Variants in STK4 observed in about 807,000 individuals in gnomAD.
The protein encoded by STK4 is serine/threonine-protein kinase 4.
A neutral mutation model predicts 64.9 loss-of-function variants in STK4; 30 were observed. The ratio of observed to expected loss-of-function variants is 0.46; its 90% CI spans 0.35 to 0.63. The LOEUF is 0.63. Ranked by LOEUF, STK4 falls within the 20% of genes least tolerant of loss-of-function variation. STK4 has a pLI of 0.01. For missense variants in STK4, 466 were observed against 598.5 expected (o/e 0.78, Z 2.31); for synonymous variants, 177 against 199.0 (o/e 0.89, Z 0.93).
intron 1 of STK4, 110 bp downstream of exon 1, chr20:44,966,713 C>CGATGGG (rs1166147807): frequency 5.9e-6 from 7 of 1,181,826 alleles, no homozygotes; most frequent in Admixed American, 4.2e-5. Context: ...GCGACCCAGC[C>CGATGGG]GATGGGGCAC....
intron 9 of STK4, among the ~76,000 whole-genome samples, chr20:45,007,546 C>CAAAA (rs1390989727): frequency 0.012 from 1,794 of 149,366 alleles, 48 homozygotes; most frequent in African/African-American, 0.039. Flanking sequence ...GACTCCATCT[C>CAAAA]AAAAAACAAA....
At chr20:45,049,018 T>C (rs1243368853) in intron 10 of STK4, among the ~76,000 whole-genome samples, 1 of 152,184 alleles carries the variant, frequency 6.6e-6, no homozygotes, top group Non-Finnish European at 1.5e-5. Flanking sequence ...AACAGTTTTT[T>C]CCTGATGGTA....
At position 44,978,526 on chromosome 20, in the gene STK4, T is replaced by C. The variant is rs1297320177; in HGVS notation, c.200T>C (p.Leu67Pro). ...AAGCAAGTTCCTGTGGAATCAGACCTCCAGGAGATAATCAAAGAAATCTCT... is the reference window on the plus strand; with the variant it reads ...AAGCAAGTTCCTGTGGAATCAGACCCCCAGGAGATAATCAAAGAAATCTCT... ...AIKQVPVESDLQEIIKEISIM... is the reference protein window; with the variant it reads ...AIKQVPVESDPQEIIKEISIM... The change falls in exon 3 of 11, where the codon CTC (leucine) becomes CCC (proline). Residue 67 changes from leucine to proline, a missense_variant. Physicochemically the swap from Leu to Pro is moderately conservative, Grantham distance 98 (BLOSUM62 -3). Around this residue, in one of 2 missense-constraint regions of STK4, gnomAD observed 190 missense variants for 289.7 expected, o/e 0.66. Transcript: ENST00000372806. 6.2e-7 allele frequency: 1 copy of C among 1,613,958 alleles called. No homozygotes were observed. The highest frequency in any genetic ancestry group is 8.5e-7 in the Non-Finnish European group (1 of 1,179,990).
intron 3 of STK4, among the ~76,000 whole-genome samples, chr20:44,979,531 A>G (rs552627513): frequency 1.3e-4 from 20 of 152,270 alleles, no homozygotes; most frequent in South Asian, 6.2e-4. Flanking sequence ...TAGATTAGAG[A>G]CAAACACAAA....
intron 10 of STK4, among the ~76,000 whole-genome samples, chr20:45,048,407 A>T (rs958091864): frequency 4.6e-5 from 7 of 152,202 alleles, no homozygotes; most frequent in Admixed American, 1.3e-4. Context: ...AAAGGGAAAG[A>T]TACTGAGGTG....
At chr20:45,072,063 T>G (rs1980116970) in intron 10 of STK4, among the ~76,000 whole-genome samples, 2 of 152,180 alleles carry the variant, frequency 1.3e-5, no homozygotes, top group South Asian at 4.1e-4. Context: ...ATGCCCAGCG[T>G]GAATACCTTC....
At chr20:45,034,468 C>T (rs1311838568) in intron 10 of STK4, among the ~76,000 whole-genome samples, 1 of 152,060 alleles carries the variant, frequency 6.6e-6, no homozygotes, top group African/African-American at 2.4e-5. Flanking sequence ...TGTTTAAACA[C>T]TATGCCATAT....
At chr20:45,036,204 T>C (rs1307936252) in intron 10 of STK4, among the ~76,000 whole-genome samples, 2 of 152,226 alleles carry the variant, frequency 1.3e-5, no homozygotes, top group East Asian at 1.9e-4. Flanking sequence ...TATGTCCTTA[T>C]GAGGTTCATT....
At chr20:45,048,586 A>C (rs1396657078) in intron 10 of STK4, among the ~76,000 whole-genome samples, 1 of 151,838 alleles carries the variant, frequency 6.6e-6, no homozygotes, top group East Asian at 1.9e-4. Flanking sequence ...GCTCACTGCA[A>C]CCTCTGCCTC....
intron 2 of STK4, among the ~76,000 whole-genome samples, chr20:44,977,794 C>G (rs1476158985): frequency 6.6e-6 from 1 of 151,914 alleles, no homozygotes; most frequent in South Asian, 2.1e-4. Context: ...CTGTGTTTAC[C>G]TGATACTAAT....
chr20:44,972,820 A>G (rs1463525304), intron 2 of STK4: 1 of 151,650 alleles, frequency 6.6e-6, no homozygotes, highest in Non-Finnish European at 1.5e-5. Flanking sequence ...TAATGACACC[A>G]TTTCTTAAGT....
At chr20:44,988,884 A>G (rs986872345) in intron 5 of STK4, among the ~76,000 whole-genome samples, 7 of 152,138 alleles carry the variant, frequency 4.6e-5, no homozygotes, top group African/African-American at 1.4e-4. Context: ...AGAATCATAC[A>G]TAATGTGCCC....
At chr20:45,033,265 T>C (rs2068474390) in intron 10 of STK4, among the ~76,000 whole-genome samples, 1 of 152,216 alleles carries the variant, frequency 6.6e-6, no homozygotes, top group Non-Finnish European at 1.5e-5. Flanking sequence ...GTTCAGAAGC[T>C]CTTTAGTTTA....
At chr20:44,996,844 G>C (rs909563616) in intron 6 of STK4, among the ~76,000 whole-genome samples, 3 of 152,004 alleles carry the variant, frequency 2.0e-5, no homozygotes, top group Non-Finnish European at 4.4e-5. Context: ...TTATCTTTAG[G>C]ATGTAGATAC....
chr20:44,981,912 T>C lies in STK4; in HGVS notation c.329T>C (p.Val110Ala), dbSNP rs1233390216. Residue 110 changes from valine (V) to alanine (A), a missense_variant, in exon 4 of 11, where the codon GTA becomes GCA. Val to Ala is a moderately conservative substitution (Grantham distance 64). Transcript: ENST00000372806. ...IVMEYCGAGS[V>A]SDIIRLRNKT... Reference sequence around the variant, plus strand: ...ATGGAGTACTGTGGGGCTGGTTCTGTATCTGATATCATTCGATTACGAAAT... The same window carrying C: ...ATGGAGTACTGTGGGGCTGGTTCTGCATCTGATATCATTCGATTACGAAAT... 6.2e-7 allele frequency: 1 copy of C among 1,613,924 alleles called. No individual in the cohort carries two copies. Among genetic ancestry groups the C allele is most frequent in the South Asian group, 1.1e-5 (1 of 91,072 alleles).
At position 44,981,859 on chromosome 20, in the gene STK4, T is replaced by C. The variant is rs2145652961; in HGVS notation, c.276T>C (p.Tyr92=). ...ATGTAGTCAAATATTATGGCAGTTA[T>C]TTTAAGAACACAGACTTATGGATCG... The part of the protein sequence containing the change: ...SPHVVKYYGS[Y]FKNTDLWIVM... Residue 92 remains tyrosine (Y), a synonymous_variant, in exon 4 of 11, where the codon TAT becomes TAC. Transcript: ENST00000372806. 1 of 1,613,790 alleles carries C rather than the reference T, an allele frequency of 6.2e-7. No homozygotes were observed.
chr20:44,996,928 A>G (rs751689364), intron 6 of STK4, among the ~76,000 whole-genome samples: 3 of 104,782 alleles, frequency 2.9e-5, no homozygotes, highest in Non-Finnish European at 4.3e-5. Flanking sequence ...AAAAAGCTTG[A>G]TTGATGTTGT....
Position 45,067,227 on chromosome 20 carries a change from G to A in STK4, c.1306-7791G>A, listed in dbSNP as rs531722443. On this transcript the variant is annotated intron_variant, in intron 10 of 10. Transcript: ENST00000372806. ...TTCTATCGAGCTTCCCTGTCATCTT[G>A]CTAAATTCCAAAGGTGTGTTCTTTC... 1.7e-3 allele frequency among the ~76,000 whole-genome samples: 256 copies of A among 152,194 alleles called. 10 individuals carry two copies. The South Asian group carries it at 0.05, about 29-fold the overall frequency.
At position 45,075,121 on chromosome 20, in the gene STK4, G is replaced by A. The variant is rs200190272; in HGVS notation, c.1409G>A (p.Arg470Gln). 5.0e-6 allele frequency: 8 copies of A among 1,614,132 alleles called. No individual in the cohort carries two copies. Among genetic ancestry groups the A allele is most frequent in the Middle Eastern group, 3.3e-4 (2 of 6,062 alleles). ...EEIRQKYQSK[R>Q]QPILDAIEAK... is the part of the protein sequence containing the mutation. ...ATCCGGCAGAAGTACCAGTCCAAGC[G>A]GCAGCCCATCCTGGATGCCATAGAG... is the stretch of plus-strand genomic sequence containing the variant. The change falls in exon 11 of 11, where the codon CGG becomes CAG. Residue 470 changes from arginine (R) to glutamine (Q), a missense_variant. Coordinates refer to ENST00000372806, the MANE Select transcript of STK4 (RefSeq NM_006282.5).
Sources: gnomAD v4.1 joint callset for allele counts (sites outside exome capture counted in the v4.1 genomes callset) on GRCh38, gnomAD v4.1.1 for gene constraint, gnomAD v4.1.1 regional missense constraint, MANE v1.5 for transcripts, NCBI Gene and HGNC (gene_info 2026-07-23, HGNC 2026-07-21) for gene names.